SEMA5A: variants seen among roughly 807,000 people sequenced by gnomAD.
The protein encoded by SEMA5A is semaphorin-5A.
Under a neutral mutation model 135.5 loss-of-function variants are expected in SEMA5A, and 55 were observed. The observed-to-expected ratio is 0.41, with a 90% confidence interval of 0.33 to 0.51. The LOEUF (loss-of-function observed/expected upper bound fraction) is 0.51. Ranked by LOEUF, SEMA5A falls within the 20% of genes least tolerant of loss-of-function variation. The pLI is 0.37. For missense variants in SEMA5A, 1,290 were observed against 1,419.9 expected, an observed-to-expected ratio of 0.91 and a Z score of 1.47; for synonymous variants, 580 against 546.5, an observed-to-expected ratio of 1.06 and a Z score of -0.85.
intron 5 of SEMA5A, among the ~76,000 whole-genome samples, chr5:9,270,380 C>T (rs1579756527): frequency 6.6e-6 from 1 of 151,872 alleles, no homozygotes; most frequent in African/African-American, 2.4e-5. Context: ...CCTTGAGTCC[C>T]GGAGAATTAT....
chr5:9,169,303 T>C (rs1743784321), intron 11 of SEMA5A, among the ~76,000 whole-genome samples: 1 of 152,200 alleles, frequency 6.6e-6, no homozygotes, highest in Non-Finnish European at 1.5e-5. Flanking sequence ...ATATACACTT[T>C]GTATTTTTTA....
intron 16 of SEMA5A, among the ~76,000 whole-genome samples, chr5:9,083,676 A>G (rs145673646): frequency 1.2e-3 from 180 of 152,312 alleles, no homozygotes; most frequent in African/African-American, 4.2e-3. Flanking sequence ...ATGTGCAAGA[A>G]GCTGAGATTC....
intron 16 of SEMA5A, among the ~76,000 whole-genome samples, chr5:9,097,658 C>T (rs1281072869): frequency 2.6e-5 from 4 of 152,128 alleles, no homozygotes; most frequent in Non-Finnish European, 2.9e-5. Flanking sequence ...ATTAGACCCA[C>T]AGGTTTCAGA....
intron 5 of SEMA5A, among the ~76,000 whole-genome samples, chr5:9,242,547 T>C: frequency 6.6e-6 from 1 of 152,156 alleles, no homozygotes; most frequent in East Asian, 1.9e-4. Context: ...TTCTCACTGG[T>C]ATGTGGGAGC....
intron 2 of SEMA5A, among the ~76,000 whole-genome samples, chr5:9,410,486 T>G (rs1331125293): frequency 6.6e-6 from 1 of 152,182 alleles, no homozygotes; most frequent in Non-Finnish European, 1.5e-5. Context: ...AGCAAAGCAT[T>G]CAGGCTACTC....
intron 2 of SEMA5A, among the ~76,000 whole-genome samples, chr5:9,396,617 C>T (rs1427932285): frequency 6.6e-6 from 1 of 152,164 alleles, no homozygotes; most frequent in Non-Finnish European, 1.5e-5. Flanking sequence ...CCAACTACCA[C>T]AGCAGTAGGG....
At chr5:9,394,310 C>T (rs1279414027) in intron 2 of SEMA5A, among the ~76,000 whole-genome samples, 10 of 152,148 alleles carry the variant, frequency 6.6e-5, no homozygotes, top group Non-Finnish European at 1.0e-4. Flanking sequence ...ACACCAGCTC[C>T]CCCAAGAGTG....
At position 9,108,312 on chromosome 5, in the gene SEMA5A, A is replaced by C. The variant is rs114431637; in HGVS notation, c.1926-25T>G. 5,332 of 1,612,008 alleles carry C rather than the reference A, an allele frequency of 3.3e-3. 17 individuals are homozygous for C. Among genetic ancestry groups the C allele is most frequent in the Non-Finnish European group, 4.0e-3 (4,730 of 1,178,462 alleles). On this transcript the variant is annotated intron_variant, in intron 15 of 22. Coordinates refer to ENST00000382496, the MANE Select transcript of SEMA5A (RefSeq NM_003966.3). ...TCTGTAATGAGGAAACCAAAATGAC[A>C]AGGAAACTAATTAGTGCCACTTGAA...
chr5:9,356,108 C>G (rs1202972552), intron 3 of SEMA5A, among the ~76,000 whole-genome samples: 1 of 152,168 alleles, frequency 6.6e-6, no homozygotes, highest in Non-Finnish European at 1.5e-5. Context: ...ATTCTTTCCC[C>G]AGAAGTGAGA....
At chr5:9,458,706 TG>T (rs2126723706) in intron 1 of SEMA5A, among the ~76,000 whole-genome samples, 1 of 152,306 alleles carries the variant, frequency 6.6e-6, no homozygotes, top group South Asian at 2.1e-4. Flanking sequence ...CTGAGTTTGC[TG>T]TAAAATGGAG....
Position 9,063,231 on chromosome 5 carries a change from G to A in SEMA5A, c.2300-126C>T, listed in dbSNP as rs946887156. 41 of 966,698 alleles carry A rather than the reference G, an allele frequency of 4.2e-5. No homozygotes were observed. In the African/African-American group the frequency reaches 5.3e-4, roughly 13 times the overall value. 59.9% of individuals were successfully genotyped at this position (966,698 alleles called of 1,614,324 possible). A position where few individuals can be genotyped will look rare whatever the true frequency, so the allele number is the denominator to read the frequency against. On this transcript the variant is annotated intron_variant, in intron 17 of 22. Transcript: ENST00000382496. Reference sequence around the variant, plus strand: ...GAACTACCCTCTCACATTCCGTTGAGCTCTTTTTACACTTCAGTAGCCAAA... The same window carrying A: ...GAACTACCCTCTCACATTCCGTTGAACTCTTTTTACACTTCAGTAGCCAAA...
chr5:9,193,626 G>T (rs1561006632), intron 10 of SEMA5A, among the ~76,000 whole-genome samples: 1 of 152,260 alleles, frequency 6.6e-6, no homozygotes, highest in East Asian at 1.9e-4. Context: ...CAGGCCGGGG[G>T]CGGTGGCTCA....
intron 1 of SEMA5A, among the ~76,000 whole-genome samples, chr5:9,524,023 G>A (rs1182000985): frequency 1.3e-5 from 2 of 152,304 alleles, no homozygotes; most frequent in South Asian, 4.1e-4. Flanking sequence ...TTGAAGGAGA[G>A]GCCTGGTGGG....
At chr5:9,161,515 A>G (rs989429509) in intron 11 of SEMA5A, among the ~76,000 whole-genome samples, 1 of 152,242 alleles carries the variant, frequency 6.6e-6, no homozygotes, top group African/African-American at 2.4e-5. Context: ...TAATCAATAT[A>G]AAATATTTGG....
chr5:9,191,545 C>G (rs183705), intron 10 of SEMA5A, among the ~76,000 whole-genome samples: 128,571 of 152,272 alleles, frequency 0.84, 54,467 homozygotes, highest in African/African-American at 0.88. Flanking sequence ...TGAAACTACC[C>G]TTTATAACAT....
At chr5:9,435,497 A>C (rs907587908) in intron 2 of SEMA5A, among the ~76,000 whole-genome samples, 4 of 152,222 alleles carry the variant, frequency 2.6e-5, no homozygotes, top group African/African-American at 9.6e-5. Context: ...TCTAAGGGGT[A>C]AGGTTTGCAG....
intron 10 of SEMA5A, among the ~76,000 whole-genome samples, chr5:9,193,065 T>C (rs1745202279): frequency 6.6e-6 from 1 of 152,184 alleles, no homozygotes; most frequent in Non-Finnish European, 1.5e-5. Flanking sequence ...ACTGCCAGAA[T>C]TGCCAAGAAT....
intron 2 of SEMA5A, among the ~76,000 whole-genome samples, chr5:9,403,932 T>C (rs2657026): frequency 1.6e-4 from 23 of 145,482 alleles, no homozygotes; most frequent in African/African-American, 5.6e-4. Context: ...GTTTGTTTGT[T>C]TGTCTGTTTG....
chr5:9,345,575 C>T (rs1038773709), intron 3 of SEMA5A, among the ~76,000 whole-genome samples: 2 of 149,646 alleles, frequency 1.3e-5, no homozygotes, highest in African/African-American at 4.9e-5. Flanking sequence ...ATTATCTGAG[C>T]ACATGAAAAT....
Sources: gnomAD v4.1 joint callset for allele counts (sites outside exome capture counted in the v4.1 genomes callset) on GRCh38, gnomAD v4.1.1 for gene constraint, MANE v1.5 for transcripts, NCBI Gene and HGNC (gene_info 2026-07-23, HGNC 2026-07-21) for gene names.